The following LDLRAD3 variants were observed in gnomAD, a reference collection of about 807,000 sequenced individuals.
LDLRAD3 encodes low density lipoprotein receptor class A domain containing 3.
Under a neutral mutation model 29.4 loss-of-function variants are expected in LDLRAD3, and 20 were observed. The observed-to-expected ratio is 0.68, with a 90% CI of 0.48 to 0.99. LDLRAD3 has a LOEUF of 0.99. Ranked by LOEUF, LDLRAD3 falls within the 50% of genes least tolerant of loss-of-function variation. LDLRAD3 has a pLI of 0.00. For missense variants in LDLRAD3, 420 were observed against 454.3 expected (o/e 0.92, Z 0.69); for synonymous variants, 157 against 192.7 (o/e 0.81, Z 1.53).
In LDLRAD3 at chr11:36,189,361, G is replaced by A. The variant is rs886497942; in HGVS notation, c.455-37724G>A. Among the ~76,000 whole-genome samples, 11 of 152,118 alleles carry A rather than the reference G, an allele frequency of 7.2e-5. No homozygotes were observed. The East Asian group carries it at 2.1e-3, about 29-fold the overall frequency. On this transcript the variant is annotated intron_variant, in intron 4 of 5. Coordinates refer to ENST00000315571, the MANE Select transcript of LDLRAD3 (RefSeq NM_174902.4). ...ATTAGCTGGGCGTGGTGGCACACAT[G>A]TGATCCCAGCTACATGAGAGGCTGA...
intron 1 of LDLRAD3, among the ~76,000 whole-genome samples, chr11:35,962,349 A>G (rs1851287998): frequency 3.3e-5 from 5 of 152,114 alleles, no homozygotes; most frequent in Admixed American, 2.6e-4. Flanking sequence ...GGTATATTTT[A>G]GTTTTGCTGC....
In LDLRAD3 at chr11:36,087,101, T is replaced by C. The variant is rs116514538; in HGVS notation, c.319+5323T>C. The stretch of plus-strand genomic sequence containing the variant: ...ACTTTTAGATACAGAATGTGGGAAA[T>C]TCTTTAAGACCCAGTTTCATTCATA... On this transcript the variant is annotated intron_variant, in intron 3 of 5. Coordinates refer to ENST00000315571, the MANE Select transcript of LDLRAD3 (RefSeq NM_174902.4). Among the ~76,000 whole-genome samples the C allele has an allele frequency of 3.2e-3, 488 of 152,218 alleles. 3 individuals carry two copies. The highest frequency in any genetic ancestry group is 0.011 in the African/African-American group (473 of 41,530).
chr11:36,203,750 C>T (rs1855161638), intron 4 of LDLRAD3, among the ~76,000 whole-genome samples: 1 of 152,140 alleles, frequency 6.6e-6, no homozygotes, highest in Non-Finnish European at 1.5e-5. Flanking sequence ...TAACATGGAG[C>T]ACTTTGTCTG....
intron 1 of LDLRAD3, among the ~76,000 whole-genome samples, chr11:35,999,148 C>T (rs745981510): frequency 9.9e-5 from 15 of 152,256 alleles, no homozygotes; most frequent in Non-Finnish European, 1.8e-4. Context: ...TGGTATTGCA[C>T]GGGAGACAGG....
At chr11:36,074,216 G>A (rs533922448) in intron 2 of LDLRAD3, among the ~76,000 whole-genome samples, 2 of 152,214 alleles carry the variant, frequency 1.3e-5, no homozygotes, top group Non-Finnish European at 2.9e-5. Flanking sequence ...ATGCAAATGA[G>A]CGTACGTTCT....
At chr11:35,961,117 G>T (rs184716322) in intron 1 of LDLRAD3, among the ~76,000 whole-genome samples, 7 of 152,238 alleles carry the variant, frequency 4.6e-5, no homozygotes, top group African/African-American at 1.7e-4. Flanking sequence ...CATTCTGCTG[G>T]AGATCAGAAT....
chr11:36,094,317 G>A (rs1565217808), intron 3 of LDLRAD3, among the ~76,000 whole-genome samples: 1 of 152,170 alleles, frequency 6.6e-6, no homozygotes, highest in Non-Finnish European at 1.5e-5. Flanking sequence ...ACATAAAATT[G>A]TATGCATACA....
At chr11:36,052,155 G>A (rs181520301) in intron 2 of LDLRAD3, among the ~76,000 whole-genome samples, 2 of 152,314 alleles carry the variant, frequency 1.3e-5, no homozygotes, top group East Asian at 3.9e-4. Context: ...TAGGGGGAAT[G>A]TTCAGCAGAG....
intron 4 of LDLRAD3, among the ~76,000 whole-genome samples, chr11:36,160,874 A>C (rs1189022302): frequency 6.6e-6 from 1 of 152,078 alleles, no homozygotes; most frequent in Admixed American, 6.6e-5. Context: ...GGCTCACTGC[A>C]ACCTCCGCCT....
chr11:36,092,196 C>A (rs1339654693), intron 3 of LDLRAD3, among the ~76,000 whole-genome samples: 1 of 152,200 alleles, frequency 6.6e-6, no homozygotes, highest in Non-Finnish European at 1.5e-5. Context: ...AATTTTTAGA[C>A]CAGGCTATAA....
chr11:36,082,577 T>C (rs1051675201), intron 3 of LDLRAD3, among the ~76,000 whole-genome samples: 10 of 152,164 alleles, frequency 6.6e-5, no homozygotes, highest in African/African-American at 1.9e-4. Flanking sequence ...ACAGTTCAAG[T>C]AGCATAGATG....
chr11:36,054,469 G>C (rs1011419587), intron 2 of LDLRAD3, among the ~76,000 whole-genome samples: 3 of 152,198 alleles, frequency 2.0e-5, no homozygotes, highest in African/African-American at 7.2e-5. Context: ...TCTTGACCCT[G>C]CATGGAACCT....
chr11:35,984,708 C>T (rs757545184), intron 1 of LDLRAD3, among the ~76,000 whole-genome samples: 3 of 152,114 alleles, frequency 2.0e-5, no homozygotes, highest in African/African-American at 4.8e-5. Flanking sequence ...CTTGGCTCAC[C>T]GCAGCCTCCG....
chr11:36,067,784 C>A (rs1477335892), intron 2 of LDLRAD3, among the ~76,000 whole-genome samples: 25 of 152,206 alleles, frequency 1.6e-4, no homozygotes, highest in Admixed American at 1.6e-3. Context: ...GATCCTCCCA[C>A]CCCAGCCTCC....
At chr11:35,965,843 A>C (rs1851334170) in intron 1 of LDLRAD3, among the ~76,000 whole-genome samples, 1 of 152,202 alleles carries the variant, frequency 6.6e-6, no homozygotes, top group African/African-American at 2.4e-5. Context: ...CCAACAGTAA[A>C]AAAAGCCATT....
At chr11:36,133,550 T>TTC (rs1292120661) in intron 4 of LDLRAD3, among the ~76,000 whole-genome samples, 76 of 85,198 alleles carry the variant, frequency 8.9e-4, no homozygotes, top group Non-Finnish European at 2.3e-3. Context: ...TTCTTTTCTT[T>TTC]TTTTTTTTTT....
At chr11:36,217,529 C>G (rs1378623334) in intron 4 of LDLRAD3, among the ~76,000 whole-genome samples, 3 of 152,196 alleles carry the variant, frequency 2.0e-5, no homozygotes, top group Non-Finnish European at 2.9e-5. Flanking sequence ...AGTTCCTTAA[C>G]CTGTGTTCCC....
chr11:36,012,526 T>C (rs1231703574), intron 1 of LDLRAD3, among the ~76,000 whole-genome samples: 1 of 152,166 alleles, frequency 6.6e-6, no homozygotes, highest in African/African-American at 2.4e-5. Flanking sequence ...TTAAATAAAA[T>C]TGGTTACTGA....
At position 36,213,626 on chromosome 11, in the gene LDLRAD3, A is replaced by T. The variant is rs1303631645; in HGVS notation, c.455-13459A>T. On this transcript the variant is annotated intron_variant, in intron 4 of 5. Coordinates refer to ENST00000315571, the MANE Select transcript of LDLRAD3 (RefSeq NM_174902.4). The surrounding 1 kb of genome is among the most constrained non-coding windows in gnomAD (Gnocchi z 4.1). ...GAGGCCATGGTAGGAGGCATGCAGG[A>T]GTGAAATGGGACCCCCAGGGCCGCT... 6.6e-6 allele frequency among the ~76,000 whole-genome samples: 1 copy of T among 152,156 alleles called. No homozygotes were observed. Among genetic ancestry groups the T allele is most frequent in the Admixed American group, 6.5e-5 (1 of 15,282 alleles).
Sources: gnomAD v4.1 joint callset for allele counts (sites outside exome capture counted in the v4.1 genomes callset) on GRCh38, gnomAD v4.1.1 for gene constraint, Gnocchi (gnomAD v3.1) non-coding constraint, MANE v1.5 for transcripts, NCBI Gene and HGNC (gene_info 2026-07-23, HGNC 2026-07-21) for gene names.